DCC: variants seen among roughly 807,000 people sequenced by gnomAD.
DCC encodes netrin receptor DCC.
DCC carries 58 observed loss-of-function variants against 172.5 expected under a neutral mutation model. The ratio of observed to expected loss-of-function variants is 0.34; its 90% CI spans 0.27 to 0.42. The LOEUF (loss-of-function observed/expected upper bound fraction) is 0.42, where lower values mean the gene tolerates loss of function less well. Ranked by LOEUF, DCC falls within the 10% of genes least tolerant of loss-of-function variation. The pLI, the probability that DCC is intolerant of heterozygous loss-of-function variation, is 1.00. For synonymous variants in DCC, 709 were observed against 644.5 expected (o/e 1.10, Z -1.52); for missense variants, 1,740 against 1,791.0 (o/e 0.97, Z 0.51).
chr18:52,786,965 A>G (rs1243223847), intron 2 of DCC, among the ~76,000 whole-genome samples: 4 of 152,136 alleles, frequency 2.6e-5, no homozygotes, highest in East Asian at 1.9e-4. Context: ...GCAAACAACT[A>G]TATTGCCATA....
intron 26 of DCC, among the ~76,000 whole-genome samples, chr18:53,498,978 ACT>A (rs895472400): frequency 1.3e-5 from 2 of 152,002 alleles, no homozygotes; most frequent in East Asian, 1.9e-4. Context: ...AGGAGAAATA[ACT>A]CTTTTTTCTC....
chr18:53,479,560 G>C (rs2045807597), intron 25 of DCC, among the ~76,000 whole-genome samples: 1 of 152,196 alleles, frequency 6.6e-6, no homozygotes, highest in African/African-American at 2.4e-5. Flanking sequence ...TGCAGACACA[G>C]TCAGAGCTTA....
At chr18:52,809,957 TC>T (rs950837094) in intron 2 of DCC, among the ~76,000 whole-genome samples, 1 of 152,004 alleles carries the variant, frequency 6.6e-6, no homozygotes, top group African/African-American at 2.4e-5. Context: ...GTTTTACAAG[TC>T]CCGTGTTTAA....
chr18:52,915,756 A>G (rs34105520), intron 3 of DCC, among the ~76,000 whole-genome samples: 39,895 of 151,988 alleles, frequency 0.26, 5,438 homozygotes, highest in Admixed American at 0.33. Flanking sequence ...GGAAGGAAGG[A>G]AAAGGGGACT....
At chr18:52,378,736 T>C (rs772599609) in intron 1 of DCC, among the ~76,000 whole-genome samples, 16 of 152,050 alleles carry the variant, frequency 1.1e-4, no homozygotes, top group South Asian at 4.2e-4. Context: ...TTTGTAGATA[T>C]GGGGTTTTGT....
At chr18:52,429,746 T>C (rs983963379) in intron 1 of DCC, among the ~76,000 whole-genome samples, 1 of 152,156 alleles carries the variant, frequency 6.6e-6, no homozygotes, top group African/African-American at 2.4e-5. Context: ...AATCTTAATT[T>C]CTATCCAACT....
chr18:53,249,399 C>T (rs1305880228), intron 12 of DCC, among the ~76,000 whole-genome samples: 3 of 151,698 alleles, frequency 2.0e-5, no homozygotes, highest in Middle Eastern at 3.2e-3. Flanking sequence ...CATCTAGTCA[C>T]GTGTTTTTGA....
intron 1 of DCC, among the ~76,000 whole-genome samples, chr18:52,570,751 G>T (rs533035207): frequency 6.6e-6 from 1 of 152,160 alleles, no homozygotes; most frequent in East Asian, 1.9e-4. Context: ...TAAAAGATTT[G>T]GTAGACATGA....
At chr18:53,266,848 G>A (rs2056681017) in intron 12 of DCC, among the ~76,000 whole-genome samples, 1 of 151,506 alleles carries the variant, frequency 6.6e-6, no homozygotes, top group African/African-American at 2.4e-5. Context: ...TGGAGCACGT[G>A]CCAATATTTT....
chr18:53,006,381 A>AC (rs2041645905), intron 5 of DCC, among the ~76,000 whole-genome samples: 1 of 152,214 alleles, frequency 6.6e-6, no homozygotes, highest in African/African-American at 2.4e-5. Context: ...GTCAATGATA[A>AC]GTATAAGACA....
At chr18:52,761,837 AG>A (rs1047118895) in intron 2 of DCC, among the ~76,000 whole-genome samples, 3 of 144,900 alleles carry the variant, frequency 2.1e-5, no homozygotes, top group African/African-American at 7.8e-5. Context: ...TGCACCCAGG[AG>A]GCAGAGCTTG....
chr18:53,193,364 G>A (rs919366020), intron 9 of DCC, among the ~76,000 whole-genome samples: 15 of 151,898 alleles, frequency 9.9e-5, no homozygotes, highest in South Asian at 2.1e-4. Flanking sequence ...TCAAATCCCC[G>A]CAGTGCCTGG....
chr18:53,282,183 T>G (rs1031888473), intron 12 of DCC, among the ~76,000 whole-genome samples: 35 of 152,172 alleles, frequency 2.3e-4, no homozygotes, highest in Admixed American at 2.0e-3. Context: ...TTTGCTTTCT[T>G]TATTTTTTAT....
chr18:52,415,718 G>A (rs1429471429), intron 1 of DCC, among the ~76,000 whole-genome samples: 2 of 152,082 alleles, frequency 1.3e-5, no homozygotes, highest in African/African-American at 2.4e-5. Flanking sequence ...TTTGAAACGT[G>A]AAGCCTGTTT....
In DCC at chr18:53,248,789, A is replaced by G. The variant is rs183953465; in HGVS notation, c.1911+33192A>G. ...GGCTTTAAAATAAGAAAGTAAAATC[A>G]TCTATTCCCTTATTATCCCCCAAGG... On this transcript the variant is annotated intron_variant, in intron 12 of 28. Transcript: ENST00000442544. 2.4e-3 allele frequency among the ~76,000 whole-genome samples: 364 copies of G among 152,172 alleles called. 2 individuals are homozygous for G. Among genetic ancestry groups the G allele is most frequent in the African/African-American group, 8.5e-3 (352 of 41,534 alleles).
At chr18:52,989,617 A>C (rs1180386086) in intron 5 of DCC, among the ~76,000 whole-genome samples, 1 of 152,194 alleles carries the variant, frequency 6.6e-6, no homozygotes, top group Non-Finnish European at 1.5e-5. Context: ...TCTTTTCTTG[A>C]AAATAGAATA....
chr18:53,162,904 C>A (rs2054864596), intron 8 of DCC, among the ~76,000 whole-genome samples: 1 of 152,182 alleles, frequency 6.6e-6, no homozygotes, highest in Non-Finnish European at 1.5e-5. Flanking sequence ...CTGAGCTATT[C>A]TCAGCACCTG....
At chr18:53,174,426 T>C in intron 8 of DCC, among the ~76,000 whole-genome samples, 1 of 150,650 alleles carries the variant, frequency 6.6e-6, no homozygotes, top group Non-Finnish European at 1.5e-5. Flanking sequence ...GATAGACCGC[T>C]AGCAAGACTA....
rs181134358 is a variant in DCC at position 53,199,481 on chromosome 18, A to G, written c.1574-5735A>G. Among the ~76,000 whole-genome samples, 695 of 152,194 alleles carry G rather than the reference A, an allele frequency of 4.6e-3. 7 individuals are homozygous for G. Among genetic ancestry groups the G allele is most frequent in the African/African-American group, 0.016 (674 of 41,530 alleles). Reference sequence around the variant, plus strand: ...GTATCACATATGTAAAAGTATGTAAATTATACTAAAATATACTTTATGGAT... The same window carrying G: ...GTATCACATATGTAAAAGTATGTAAGTTATACTAAAATATACTTTATGGAT... On this transcript the variant is annotated intron_variant, in intron 9 of 28. Transcript: ENST00000442544.
Sources: allele counts gnomAD v4.1 joint callset (sites outside exome capture counted in the v4.1 genomes callset), GRCh38; gene constraint gnomAD v4.1.1; transcripts MANE v1.5; gene names NCBI Gene and HGNC (gene_info 2026-07-23, HGNC 2026-07-21).